SETD2: variants seen among roughly 807,000 people sequenced by gnomAD.
The protein encoded by SETD2 is histone-lysine N-methyltransferase SETD2.
A neutral mutation model predicts 242.1 loss-of-function variants in SETD2; 31 were observed. The ratio of observed to expected loss-of-function variants is 0.13; its 90% CI spans 0.10 to 0.17. The LOEUF is 0.17. SETD2 is among the 10% of genes least tolerant of loss of function. The pLI is 1.00. For synonymous variants in SETD2, 1,006 were observed against 1,066.5 expected (o/e 0.94, Z 1.11); for missense variants, 2,481 against 3,046.3 (o/e 0.81, Z 4.37).
At chr3:47,081,666 T>A (rs2041324677) in intron 12 of SETD2, among the ~76,000 whole-genome samples, 1 of 152,226 alleles carries the variant, frequency 6.6e-6, no homozygotes, top group Admixed American at 6.5e-5. Context: ...CTGGTTTTTT[T>A]AAGAACCACC....
At chr3:47,071,482 C>A (rs951135311) in intron 12 of SETD2, among the ~76,000 whole-genome samples, 1 of 152,138 alleles carries the variant, frequency 6.6e-6, no homozygotes, top group African/African-American at 2.4e-5. Flanking sequence ...ATATACCCTA[C>A]GCTTTTATCC....
At chr3:47,037,498 A>G (rs879893942) in intron 18 of SETD2, among the ~76,000 whole-genome samples, 168 bp downstream of exon 18, 4 of 151,816 alleles carry the variant, frequency 2.6e-5, no homozygotes, top group Non-Finnish European at 5.9e-5. Flanking sequence ...TCCATGGTGT[A>G]TATGTAAAAA....
At chr3:47,104,622 C>T (rs2042339126) in intron 6 of SETD2, among the ~76,000 whole-genome samples, 1 of 152,172 alleles carries the variant, frequency 6.6e-6, no homozygotes, top group Admixed American at 6.5e-5. Context: ...GTTAAGTCCT[C>T]ACTTAAAGTC....
intron 6 of SETD2, 156 bp downstream of exon 6, chr3:47,105,841 T>C (rs762593129): frequency 3.7e-5 from 27 of 737,420 alleles, no homozygotes; most frequent in Non-Finnish European, 5.8e-5. Flanking sequence ...AGGCAGGGGT[T>C]GCAGTGAGCC....
At chr3:47,072,674 G>A (rs144322094) in intron 12 of SETD2, among the ~76,000 whole-genome samples, 156 of 151,958 alleles carry the variant, frequency 1.0e-3, no homozygotes, top group African/African-American at 3.5e-3. Flanking sequence ...GACCGGGCAC[G>A]GTGACTCAAG....
chr3:47,103,518 A>G, intron 6 of SETD2, 95 bp from the exon 7 acceptor site: 1 of 881,892 alleles, frequency 1.1e-6, no homozygotes, highest in Non-Finnish European at 1.8e-6. Flanking sequence ...TGCATCAATT[A>G]AAAAAAAGAT....
chr3:47,115,815 T>C (rs2042830797), intron 4 of SETD2, among the ~76,000 whole-genome samples: 1 of 152,128 alleles, frequency 6.6e-6, no homozygotes, highest in African/African-American at 2.4e-5. Context: ...TGGCTAATTT[T>C]TGTATTTTTT....
intron 1 of SETD2, among the ~76,000 whole-genome samples, chr3:47,137,836 G>A (rs189142959): frequency 1.3e-5 from 2 of 151,186 alleles, no homozygotes; most frequent in African/African-American, 2.4e-5. Context: ...ACAGGCACCC[G>A]CCACCACACC....
intron 1 of SETD2, chr3:47,138,177 T>G (rs1172234019): frequency 6.4e-6 from 1 of 156,662 alleles, no homozygotes; most frequent in African/African-American, 2.4e-5. Flanking sequence ...TTTCACCGTG[T>G]CAGCCAGGAT....
At chr3:47,154,136 C>A (rs756853420) in intron 1 of SETD2, among the ~76,000 whole-genome samples, 1 of 152,138 alleles carries the variant, frequency 6.6e-6, no homozygotes, top group Non-Finnish European at 1.5e-5. Flanking sequence ...CTTGGCCAGG[C>A]GCGATGGCTC....
chr3:47,108,224 T>C (rs1225107701), intron 5 of SETD2, among the ~76,000 whole-genome samples: 1 of 152,128 alleles, frequency 6.6e-6, no homozygotes, highest in African/African-American at 2.4e-5. Context: ...ATGTGGTGAC[T>C]ACAAAACATA....
chr3:47,157,513 C>T (rs2106845023), intron 1 of SETD2: 1 of 456,054 alleles, frequency 2.2e-6, no homozygotes, highest in Admixed American at 2.3e-5. Context: ...ATTTGCCATA[C>T]TTTCACATCA....
intron 18 of SETD2, among the ~76,000 whole-genome samples, chr3:47,021,490 G>C (rs887779556): frequency 6.6e-6 from 1 of 152,102 alleles, no homozygotes; most frequent in Non-Finnish European, 1.5e-5. Context: ...GATTGGTGGG[G>C]GGTGGCCTTT....
intron 12 of SETD2, among the ~76,000 whole-genome samples, chr3:47,083,357 T>C (rs1419869930): frequency 1.3e-5 from 2 of 152,240 alleles, no homozygotes; most frequent in African/African-American, 4.8e-5. Flanking sequence ...TAATTTTCCA[T>C]TAATACAACT....
Position 47,122,871 on chromosome 3 carries a change from T to G in SETD2, c.1765A>C (p.Ser589Arg). The G allele has an allele frequency of 6.2e-7, 1 of 1,611,048 alleles. No homozygotes were observed. The highest frequency in any genetic ancestry group is 8.5e-7 in the Non-Finnish European group (1 of 1,178,726). The change falls in exon 3 of 21, where the codon AGT (serine) becomes CGT (arginine). Residue 589 changes from serine to arginine, a missense_variant. This residue lies in a region of SETD2 where 1,300 missense variants were observed against 1,259.2 expected (regional missense o/e 1.03). Coordinates refer to ENST00000409792, the MANE Select transcript of SETD2 (RefSeq NM_014159.7). ...CCTTTTGAACAAGGTGTCTGTAAAC[T>G]AAAAGAATGAGACTGTTTGATTTCT... ...NEEIKQSHSF[S>R]LQTPCSKGSE...
intron 12 of SETD2, among the ~76,000 whole-genome samples, chr3:47,072,335 C>G (rs921347057): frequency 6.6e-6 from 1 of 151,856 alleles, no homozygotes; most frequent in African/African-American, 2.4e-5. Flanking sequence ...AATTTACAGG[C>G]GCAAGATTTC....
chr3:47,073,437 G>A (rs1046572415), intron 12 of SETD2, among the ~76,000 whole-genome samples: 1 of 152,210 alleles, frequency 6.6e-6, no homozygotes, highest in African/African-American at 2.4e-5. Flanking sequence ...CTGCACCTGA[G>A]TAGAGGGGAA....
intron 6 of SETD2, among the ~76,000 whole-genome samples, chr3:47,105,493 C>CAT (rs764918895): frequency 3.3e-5 from 5 of 151,042 alleles, no homozygotes; most frequent in Non-Finnish European, 4.4e-5. Context: ...TTTATCTTTA[C>CAT]ATATATATAT....
Position 47,123,504 on chromosome 3 carries a change from A to G in SETD2, c.1132T>C (p.Phe378Leu). 1 of 1,551,066 alleles carries G rather than the reference A, an allele frequency of 6.4e-7. No individual in the cohort carries two copies. Among genetic ancestry groups the G allele is most frequent in the Non-Finnish European group, 8.7e-7 (1 of 1,146,966 alleles). ...TCTCTTTCAAGTTTTGAATAGCTAA[A>G]ATATTTATCATCTCTGTCTGTTTTA... ...RSKTDRDDKY[F>L]SYSKLERDTR... Residue 378 changes from phenylalanine to leucine, a missense_variant, in exon 3 of 21, where the codon TTT becomes CTT. Phe to Leu is a conservative substitution (Grantham distance 22, BLOSUM62 0). This residue lies in a region of SETD2 where 1,300 missense variants were observed against 1,259.2 expected (regional missense o/e 1.03). Transcript: ENST00000409792.
Sources: allele counts gnomAD v4.1 joint callset (sites outside exome capture counted in the v4.1 genomes callset), GRCh38; gene constraint gnomAD v4.1.1; regional missense constraint gnomAD v4.1.1; transcripts MANE v1.5; gene names NCBI Gene and HGNC (gene_info 2026-07-23, HGNC 2026-07-21).